Variants in FOCAD observed in about 807,000 individuals in gnomAD.
FOCAD encodes the protein KIAA1797.
FOCAD carries 198 observed loss-of-function variants against 225.6 expected under a neutral mutation model. The ratio of observed to expected loss-of-function variants is 0.88; its 90% CI spans 0.78 to 0.99. The LOEUF is 0.99. Among genes scored for constraint, FOCAD ranks in the 50% least tolerant of loss-of-function variants. The pLI is 0.00. For synonymous variants in FOCAD, 897 were observed against 755.0 expected (o/e 1.19, Z -3.08); for missense variants, 2,713 against 2,123.6 (o/e 1.28, Z -5.46).
chr9:20,898,643 T>G (rs10964749), intron 21 of FOCAD, among the ~76,000 whole-genome samples: 30,772 of 151,880 alleles, frequency 0.2, 3,397 homozygotes, highest in Non-Finnish European at 0.25. Flanking sequence ...TATTATCTTT[T>G]ATGGCCTTTA....
intron 23 of FOCAD, among the ~76,000 whole-genome samples, chr9:20,914,589 G>C (rs779633656): frequency 2.6e-4 from 40 of 152,174 alleles, no homozygotes; most frequent in Admixed American, 1.0e-3. Context: ...AGAGGAAACA[G>C]CGAATTCATC....
intron 19 of FOCAD, among the ~76,000 whole-genome samples, chr9:20,880,167 A>G (rs969652573): frequency 1.3e-5 from 2 of 152,164 alleles, no homozygotes; most frequent in Non-Finnish European, 2.9e-5. Context: ...TGGGGGATAC[A>G]TTCAGATTGA....
chr9:20,727,368 C>T (rs1826285515), intron 4 of FOCAD, among the ~76,000 whole-genome samples: 1 of 152,092 alleles, frequency 6.6e-6, no homozygotes, highest in Admixed American at 6.5e-5. Context: ...TAAGATGTTT[C>T]TAGGTGATTT....
intron 10 of FOCAD, among the ~76,000 whole-genome samples, chr9:20,785,651 C>G (rs1214484446): frequency 2.6e-5 from 4 of 152,088 alleles, no homozygotes; most frequent in African/African-American, 4.8e-5. Context: ...TTTTACTTTC[C>G]TTTTCTTTTG....
At chr9:20,798,540 A>G (rs1486961319) in intron 11 of FOCAD, among the ~76,000 whole-genome samples, 2 of 152,298 alleles carry the variant, frequency 1.3e-5, no homozygotes, top group South Asian at 2.1e-4. Context: ...TTATTGGTCT[A>G]TTCAGAGATT....
At chr9:20,750,829 T>G (rs965334663) in intron 5 of FOCAD, among the ~76,000 whole-genome samples, 4 of 152,176 alleles carry the variant, frequency 2.6e-5, no homozygotes, top group Admixed American at 6.6e-5. Context: ...TTAGAGCCAT[T>G]TAAGCTTGGC....
chr9:20,866,846 A>G lies in FOCAD; in HGVS notation c.2107-83A>G. On this transcript the variant is annotated intron_variant, in intron 17 of 43. Coordinates refer to ENST00000338382, the MANE Select transcript of FOCAD (RefSeq NM_001375567.1). ...TGAGGGAAGGTTTCTTTCCCCCTCCAGATTTGATGTTTAATGCATGTTGTG... is the reference window on the plus strand; with the variant it reads ...TGAGGGAAGGTTTCTTTCCCCCTCCGGATTTGATGTTTAATGCATGTTGTG... 3 of 726,284 alleles carry G rather than the reference A, an allele frequency of 4.1e-6. No homozygotes were observed. In the South Asian group the frequency reaches 5.8e-5, roughly 14 times the overall value. The allele number at this position is 726,284 out of a possible 1,614,324, so 45.0% of individuals were successfully genotyped here. A position where few individuals can be genotyped will look rare whatever the true frequency, so the allele number is the denominator to read the frequency against.
chr9:20,978,799 T>C (rs776222877), intron 37 of FOCAD, among the ~76,000 whole-genome samples: 50 of 152,242 alleles, frequency 3.3e-4, no homozygotes, highest in Non-Finnish European at 6.0e-4. Context: ...TTTCAGTACA[T>C]ATTAAGAGAA....
At chr9:20,762,888 G>C (rs748876237) in intron 6 of FOCAD, among the ~76,000 whole-genome samples, 3 of 152,068 alleles carry the variant, frequency 2.0e-5, no homozygotes, top group Non-Finnish European at 4.4e-5. Flanking sequence ...TGAACCCAAG[G>C]TTTAGCTCCC....
intron 28 of FOCAD, among the ~76,000 whole-genome samples, chr9:20,934,894 A>G (rs983422408): frequency 6.6e-6 from 1 of 152,204 alleles, no homozygotes; most frequent in Admixed American, 6.5e-5. Context: ...AAATAATAAG[A>G]TACTTAGGAA....
At position 20,948,236 on chromosome 9, in the gene FOCAD, CT is replaced by C. The variant is rs763142915; in HGVS notation, c.3676-30del. On this transcript the variant is annotated intron_variant, in intron 30 of 43. Transcript: ENST00000338382. ...TTCTAAATCTGTGTCTTTTTTTTTT[CT>C]TTTTCTTACCCCATTTTTATTTATT... The C allele has an allele frequency of 2.6e-5, 37 of 1,450,448 alleles. No individual in the cohort carries two copies. The South Asian group carries it at 5.4e-4, about 21-fold the overall frequency. The allele number at this position is 1,450,448 out of a possible 1,614,324, so 89.8% of individuals were successfully genotyped here.
At chr9:20,958,395 A>C (rs944497845) in intron 35 of FOCAD, among the ~76,000 whole-genome samples, 2 of 148,156 alleles carry the variant, frequency 1.3e-5, no homozygotes, top group African/African-American at 4.9e-5. Context: ...TAAATTTGAA[A>C]TTTTTAAAAA....
At chr9:20,755,554 A>T (rs765100486) in intron 5 of FOCAD, among the ~76,000 whole-genome samples, 3 of 152,136 alleles carry the variant, frequency 2.0e-5, no homozygotes, top group Non-Finnish European at 4.4e-5. Context: ...GGTGTGAAGG[A>T]TGGAAGGGAG....
intron 6 of FOCAD, among the ~76,000 whole-genome samples, chr9:20,758,842 T>C (rs1345019608): frequency 1.3e-5 from 2 of 152,136 alleles, no homozygotes; most frequent in South Asian, 2.1e-4. Flanking sequence ...TGTTTGCAGA[T>C]GACATGATTG....
intron 35 of FOCAD, chr9:20,957,454 A>G (rs1465741571): frequency 7.5e-6 from 1 of 134,210 alleles, no homozygotes; most frequent in Non-Finnish European, 1.6e-5. Context: ...TAAAATTTCA[A>G]TTTTAGTGAA....
At chr9:20,815,137 G>GTTTTTTTTTTTTTTTTTTTTTTTTTT (rs71334555) in intron 11 of FOCAD, among the ~76,000 whole-genome samples, 8 of 69,112 alleles carry the variant, frequency 1.2e-4, no homozygotes, top group Admixed American at 2.1e-4. Flanking sequence ...TTTTTTTTTT[G>GTTTTTTTTTTTTTTTTTTTTTTTTTT]TTTTTTTTTT....
At chr9:20,860,626 T>G (rs1828684897) in intron 15 of FOCAD, among the ~76,000 whole-genome samples, 1 of 152,030 alleles carries the variant, frequency 6.6e-6, no homozygotes, top group South Asian at 2.1e-4. Context: ...CGCCTCCTGG[T>G]TTCAAGCGAT....
chr9:20,732,705 G>A (rs1443833507), intron 4 of FOCAD, among the ~76,000 whole-genome samples: 1 of 152,168 alleles, frequency 6.6e-6, no homozygotes, highest in Non-Finnish European at 1.5e-5. Context: ...GGGATACACA[G>A]AGATTAGGTG....
intron 8 of FOCAD, among the ~76,000 whole-genome samples, chr9:20,778,353 C>G (rs1315884208): frequency 6.6e-6 from 1 of 151,926 alleles, no homozygotes; most frequent in Non-Finnish European, 1.5e-5. Flanking sequence ...AAGCAATTGC[C>G]TCCTGAGTAG....
Sources: gnomAD v4.1 joint callset for allele counts (sites outside exome capture counted in the v4.1 genomes callset) on GRCh38, gnomAD v4.1.1 for gene constraint, MANE v1.5 for transcripts, NCBI Gene and HGNC (gene_info 2026-07-23, HGNC 2026-07-21) for gene names.